ARHGAP42: variants seen among roughly 807,000 people sequenced by gnomAD.
ARHGAP42 encodes the protein rho GTPase-activating protein 42.
A neutral mutation model predicts 125.0 loss-of-function variants in ARHGAP42; 63 were observed. The ratio of observed to expected loss-of-function variants is 0.50; its 90% CI spans 0.41 to 0.62. ARHGAP42 has a LOEUF of 0.62. Among genes scored for constraint, ARHGAP42 ranks in the 20% least tolerant of loss-of-function variants. The pLI is 0.00. For synonymous variants in ARHGAP42, 339 were observed against 351.0 expected (o/e 0.97, Z 0.38); for missense variants, 766 against 1,024.2 (o/e 0.75, Z 3.44).
At chr11:100,966,631 A>G (rs1858101979) in intron 17 of ARHGAP42, among the ~76,000 whole-genome samples, 1 of 152,182 alleles carries the variant, frequency 6.6e-6, no homozygotes, top group South Asian at 2.1e-4. Context: ...AAATACCTTA[A>G]TAGAAACATC....
At chr11:100,836,354 G>A (rs959455133) in intron 3 of ARHGAP42, among the ~76,000 whole-genome samples, 7 of 152,042 alleles carry the variant, frequency 4.6e-5, no homozygotes, top group African/African-American at 1.7e-4. Flanking sequence ...TTTATGTTAT[G>A]CAGAGCTTTT....
intron 22 of ARHGAP42, among the ~76,000 whole-genome samples, chr11:100,984,550 A>T (rs115758251): frequency 0.014 from 2,135 of 152,146 alleles, 52 homozygotes; most frequent in African/African-American, 0.048. Context: ...ATGAATTTTT[A>T]AAATTTCTCT....
intron 3 of ARHGAP42, among the ~76,000 whole-genome samples, chr11:100,797,583 T>C (rs780947072): frequency 1.3e-5 from 2 of 151,724 alleles, no homozygotes; most frequent in Non-Finnish European, 2.9e-5. Flanking sequence ...TTAAGTCCAC[T>C]GTTGAGACCT....
intron 14 of ARHGAP42, 81 bp from the exon 15 acceptor site, chr11:100,961,603 T>G: frequency 8.3e-7 from 1 of 1,210,668 alleles, no homozygotes; most frequent in South Asian, 1.4e-5. Context: ...TTGACCTACT[T>G]ACGTTTGTGC....
intron 8 of ARHGAP42, among the ~76,000 whole-genome samples, chr11:100,940,063 G>A (rs1344621202): frequency 6.6e-6 from 1 of 152,058 alleles, no homozygotes; most frequent in Non-Finnish European, 1.5e-5. Context: ...GTATTATTAA[G>A]TATTATAGTG....
chr11:100,818,143 G>C (rs920406568), intron 3 of ARHGAP42, among the ~76,000 whole-genome samples: 1 of 152,082 alleles, frequency 6.6e-6, no homozygotes, highest in African/African-American at 2.4e-5. Flanking sequence ...GTGTCCCCCT[G>C]GTCCTTCCAT....
At chr11:100,946,070 T>C (rs774047355) in intron 10 of ARHGAP42, among the ~76,000 whole-genome samples, 2 of 152,118 alleles carry the variant, frequency 1.3e-5, no homozygotes, top group East Asian at 1.9e-4. Flanking sequence ...AGCTTCTACA[T>C]CAACTCTTAC....
intron 3 of ARHGAP42, among the ~76,000 whole-genome samples, chr11:100,806,588 C>A (rs1224853615): frequency 1.6e-5 from 1 of 64,258 alleles, no homozygotes; most frequent in East Asian, 3.9e-4. Flanking sequence ...AGTGATTTCA[C>A]CTGAAATTAA....
intron 4 of ARHGAP42, among the ~76,000 whole-genome samples, chr11:100,875,702 T>A (rs1469955313): frequency 6.6e-6 from 1 of 152,050 alleles, no homozygotes; most frequent in Non-Finnish European, 1.5e-5. Flanking sequence ...TGGGCTCTTC[T>A]CAGTGGCCCG....
intron 10 of ARHGAP42, among the ~76,000 whole-genome samples, chr11:100,947,022 C>T (rs775383461): frequency 1.4e-5 from 2 of 147,778 alleles, no homozygotes; most frequent in Non-Finnish European, 3.0e-5. Flanking sequence ...CTCTTTTGCT[C>T]TGTGTTCTTA....
intron 4 of ARHGAP42, among the ~76,000 whole-genome samples, chr11:100,899,111 T>C (rs1866451369): frequency 6.6e-6 from 1 of 152,240 alleles, no homozygotes; most frequent in Non-Finnish European, 1.5e-5. Flanking sequence ...CCAGTAGTCA[T>C]TCAGGAGCAG....
chr11:100,749,962 C>T (rs1244442515), intron 1 of ARHGAP42, among the ~76,000 whole-genome samples: 13 of 152,234 alleles, frequency 8.5e-5, no homozygotes, highest in African/African-American at 4.8e-5. Context: ...AGTTTCTTTC[C>T]GCGTTGCTGA....
At chr11:100,776,079 A>T (rs1863112317) in intron 2 of ARHGAP42, among the ~76,000 whole-genome samples, 1 of 152,042 alleles carries the variant, frequency 6.6e-6, no homozygotes, top group Non-Finnish European at 1.5e-5. Flanking sequence ...GAATAGCTTG[A>T]ACCTGGGAGG....
chr11:100,774,713 A>T (rs1464947733), intron 2 of ARHGAP42, among the ~76,000 whole-genome samples: 1 of 144,032 alleles, frequency 6.9e-6, no homozygotes, highest in African/African-American at 2.6e-5. Flanking sequence ...GGGCAAAGTA[A>T]GGAAGAGAAG....
intron 6 of ARHGAP42, among the ~76,000 whole-genome samples, chr11:100,928,453 G>A (rs1263998273): frequency 6.6e-6 from 1 of 152,054 alleles, no homozygotes; most frequent in Non-Finnish European, 1.5e-5. Flanking sequence ...TGGGCATGGT[G>A]TCATGCGCCT....
In ARHGAP42 at chr11:100,992,409, T is replaced by G; in HGVS notation, c.*3608T>G. Reference sequence around the variant, plus strand: ...TATTGTCCAGAAGTTACTTTCCCCTTGACTAAAGGTTTCCCCTTAGGGTAC... The same window carrying G: ...TATTGTCCAGAAGTTACTTTCCCCTGGACTAAAGGTTTCCCCTTAGGGTAC... On this transcript the variant is annotated 3_prime_UTR_variant, in exon 24 of 24. Coordinates refer to ENST00000298815, the MANE Select transcript of ARHGAP42 (RefSeq NM_152432.4). 1 of 1,614,134 alleles carries G rather than the reference T, an allele frequency of 6.2e-7. No individual in the cohort carries two copies.
chr11:100,979,007 T>A lies in ARHGAP42; in HGVS notation c.2414T>A (p.Leu805Gln). Residue 805 changes from leucine to glutamine, a missense_variant, in exon 22 of 24, where the codon CTG (leucine) becomes CAG (glutamine). Physicochemically the swap from Leu to Gln is moderately radical, Grantham distance 113. Transcript: ENST00000298815. ...PGSVVAAKAQ[L>Q]FENVGSPKPV... ...TTCAGAGTGGCAGCAAAAGCTCAACTGTTTGAAAATGTTGGTTCACCTAAA... is the reference window on the plus strand; with the variant it reads ...TTCAGAGTGGCAGCAAAAGCTCAACAGTTTGAAAATGTTGGTTCACCTAAA... 4 of 1,551,566 alleles carry A rather than the reference T, an allele frequency of 2.6e-6. No individual in the cohort carries two copies. Among genetic ancestry groups the A allele is most frequent in the Non-Finnish European group, 2.6e-6 (3 of 1,146,846 alleles).
chr11:100,835,816 A>G (rs1044283688), intron 3 of ARHGAP42, among the ~76,000 whole-genome samples: 3 of 152,080 alleles, frequency 2.0e-5, no homozygotes, highest in African/African-American at 7.2e-5. Flanking sequence ...TGTTCTTTCC[A>G]GAAATTATCT....
In ARHGAP42 at chr11:100,976,049, C is replaced by T; in HGVS notation, c.1856-8C>T. 2 of 1,494,554 alleles carry T rather than the reference C, an allele frequency of 1.3e-6. No individual in the cohort carries two copies. Among genetic ancestry groups the T allele is most frequent in the Middle Eastern group, 1.8e-4 (1 of 5,664 alleles). The allele number at this position is 1,494,554 out of a possible 1,614,324, so 92.6% of individuals were successfully genotyped here. A position where few individuals can be genotyped will look rare whatever the true frequency, so the allele number is the denominator to read the frequency against. On this transcript the variant is annotated splice_region_variant and splice_polypyrimidine_tract_variant and intron_variant, in intron 19 of 23. Coordinates refer to ENST00000298815, the MANE Select transcript of ARHGAP42 (RefSeq NM_152432.4). ...GTTGCTTTCATCTCTCTCCCTCCTA[C>T]TCCTTAGGTGACTCCTATAGCAGCA...
Sources: allele counts gnomAD v4.1 joint callset (sites outside exome capture counted in the v4.1 genomes callset), GRCh38; gene constraint gnomAD v4.1.1; transcripts MANE v1.5; gene names NCBI Gene and HGNC (gene_info 2026-07-23, HGNC 2026-07-21).